Variants in COL9A1 observed in about 807,000 individuals in gnomAD.
The protein encoded by COL9A1 is collagen type IX alpha 1 chain, also known as collagen alpha-1(IX) chain.
Under a neutral mutation model 142.6 loss-of-function variants are expected in COL9A1, and 104 were observed. The observed-to-expected ratio is 0.73, with a 90% CI of 0.62 to 0.86. The LOEUF (loss-of-function observed/expected upper bound fraction) is 0.86, where lower values mean the gene tolerates loss of function less well. COL9A1 is among the 40% of genes least tolerant of loss of function. The probability of loss-of-function intolerance (pLI) is 0.00; values close to 1 mark genes in which losing one functional copy is unlikely to be tolerated. For synonymous variants in COL9A1, 466 were observed against 396.0 expected, an observed-to-expected ratio of 1.18 and a Z score of -2.10; for missense variants, 1,210 against 1,176.6, an observed-to-expected ratio of 1.03 and a Z score of -0.42.
chr6:70,280,568 T>C lies in COL9A1; in HGVS notation c.975+244A>G, dbSNP rs1176596023. On this transcript the variant is annotated intron_variant, in intron 10 of 37. Coordinates refer to ENST00000357250, the MANE Select transcript of COL9A1 (RefSeq NM_001851.6). ...TTAGAGACAGGAAGCCAGTACCCGCTGCTGTTTTCTAGGAGGAGGAAATGC... is the reference window on the plus strand; with the variant it reads ...TTAGAGACAGGAAGCCAGTACCCGCCGCTGTTTTCTAGGAGGAGGAAATGC... 2.2e-6 allele frequency: 3 copies of C among 1,394,198 alleles called. No homozygotes were observed. The African/African-American group carries it at 4.4e-5, about 20-fold the overall frequency. 86.4% of individuals were successfully genotyped at this position (1,394,198 alleles called of 1,614,324 possible).
chr6:70,241,560 T>A, intron 30 of COL9A1, 106 bp from the exon 31 acceptor site: 1 of 930,532 alleles, frequency 1.1e-6, no homozygotes, highest in Non-Finnish European at 1.7e-6. Context: ...GATAATGTGA[T>A]GGGAGAGGAC....
chr6:70,216,955 G>T lies in COL9A1; in HGVS notation c.2708C>A (p.Pro903Gln), dbSNP rs1768546500. 1 of 1,614,144 alleles carries T rather than the reference G, an allele frequency of 6.2e-7. No homozygotes were observed. Among genetic ancestry groups the T allele is most frequent in the Admixed American group, 1.7e-5 (1 of 60,030 alleles). ...ACCAGCCTGCATGGTGCAGGAGGCT[G>T]GCTCACAGAAACCGGGAAGCCCAGG... ...GPPGLPGFCEPASCTMQAGQR... is the reference protein window; with the variant it reads ...GPPGLPGFCEQASCTMQAGQR... The change falls in exon 38 of 38, where the codon CCA becomes CAA. Residue 903 changes from proline (P) to glutamine (Q), a missense_variant. Transcript: ENST00000357250.
rs1274747512 is a variant in COL9A1, at chr6:70,227,065, G to A, written c.2504-1056C>T. On this transcript the variant is annotated intron_variant, in intron 36 of 37. Coordinates refer to ENST00000357250, the MANE Select transcript of COL9A1 (RefSeq NM_001851.6). ...TATAATGAAGGTGGTGTCTTAAAGT[G>A]GGAAAAAGTTGAACAATTCAGTAAA... is the stretch of plus-strand genomic sequence containing the variant. Among the ~76,000 whole-genome samples, 3 of 152,112 alleles carry A rather than the reference G, an allele frequency of 2.0e-5. No individual in the cohort carries two copies. The East Asian group carries it at 5.8e-4, about 29-fold the overall frequency.
chr6:70,269,990 T>C (rs1772285807), intron 15 of COL9A1, among the ~76,000 whole-genome samples: 1 of 152,240 alleles, frequency 6.6e-6, no homozygotes, highest in Non-Finnish European at 1.5e-5. Context: ...TTTCTTACTA[T>C]GAAAACCTTT....
intron 5 of COL9A1, among the ~76,000 whole-genome samples, chr6:70,293,433 A>T (rs1773725713): frequency 6.6e-6 from 1 of 152,102 alleles, no homozygotes; most frequent in African/African-American, 2.4e-5. Context: ...ATATCTGGGG[A>T]TCTCTGCAGT....
In COL9A1 at chr6:70,239,385, A is replaced by C. The variant is rs907992635; in HGVS notation, c.2080-99T>G. The C allele has an allele frequency of 1.5e-5, 13 of 851,784 alleles. No individual in the cohort carries two copies. In the African/African-American group the frequency reaches 1.9e-4, roughly 12 times the overall value. 52.8% of individuals were successfully genotyped at this position (851,784 alleles called of 1,614,324 possible). A position where few individuals can be genotyped will look rare whatever the true frequency, so the allele number is the denominator to read the frequency against. On this transcript the variant is annotated intron_variant, in intron 32 of 37. Transcript: ENST00000357250. ...TTATTGTGCTACTAAAATACGGAAA[A>C]CCATGAACAGATTAACTCCGGCACT...
chr6:70,254,669 A>G, intron 24 of COL9A1, 140 bp from the exon 25 acceptor site: 1 of 592,194 alleles, frequency 1.7e-6, no homozygotes. Flanking sequence ...AAGTGACTTA[A>G]TTTAGGGTGG....
chr6:70,258,074 CT>C (rs1771436441), intron 20 of COL9A1, among the ~76,000 whole-genome samples: 5 of 152,308 alleles, frequency 3.3e-5, no homozygotes, highest in Admixed American at 2.0e-4. Context: ...GAAATAATCT[CT>C]GATGTGGCTA....
chr6:70,233,626 T>C (rs1769698477), intron 35 of COL9A1, among the ~76,000 whole-genome samples: 1 of 152,234 alleles, frequency 6.6e-6, no homozygotes, highest in South Asian at 2.1e-4. Context: ...AATTTGCTTA[T>C]ATAAGTAAGA....
intron 1 of COL9A1, among the ~76,000 whole-genome samples, 184 bp downstream of exon 1, chr6:70,302,727 T>C (rs1055794584): frequency 1.3e-4 from 20 of 152,126 alleles, no homozygotes; most frequent in African/African-American, 4.6e-4. Flanking sequence ...CTTCGGTTTT[T>C]TGTGTCTGTC....
At chr6:70,224,130 G>C (rs1769073661) in intron 37 of COL9A1, among the ~76,000 whole-genome samples, 1 of 152,228 alleles carries the variant, frequency 6.6e-6, no homozygotes, top group Admixed American at 6.5e-5. Context: ...TTAAATCCAA[G>C]ATCAGCTAAA....
chr6:70,216,849 C>T lies in COL9A1; in HGVS notation c.*48G>A, dbSNP rs373931410. On this transcript the variant is annotated 3_prime_UTR_variant, in exon 38 of 38. Coordinates refer to ENST00000357250, the MANE Select transcript of COL9A1 (RefSeq NM_001851.6). ...TTGGATGGTGTTTCTCACCCAGGCT[C>T]CTTCACCAGGCGTGGTTCATGCAGA... 2.9e-5 allele frequency: 47 copies of T among 1,602,844 alleles called. No individual in the cohort carries two copies. Among genetic ancestry groups the T allele is most frequent in the Non-Finnish European group, 3.8e-5 (45 of 1,171,418 alleles).
chr6:70,224,226 G>C (rs1332622826), intron 37 of COL9A1, among the ~76,000 whole-genome samples: 2 of 152,138 alleles, frequency 1.3e-5, no homozygotes, highest in African/African-American at 2.4e-5. Flanking sequence ...CACGTGGATG[G>C]TCTGATGTTC....
intron 13 of COL9A1, 92 bp from the exon 14 acceptor site, chr6:70,271,800 A>G (rs756510698): frequency 4.7e-6 from 6 of 1,282,484 alleles, no homozygotes; most frequent in Non-Finnish European, 6.7e-6. Flanking sequence ...TTAGATTTAC[A>G]TTTCTGTATT....
intron 17 of COL9A1, among the ~76,000 whole-genome samples, chr6:70,267,734 G>A (rs533859460): frequency 7.4e-4 from 112 of 152,340 alleles, no homozygotes; most frequent in African/African-American, 2.6e-3. Context: ...TCCTAAGCAC[G>A]TGTGTGCTTT....
At chr6:70,271,207 A>G (rs934797082) in intron 14 of COL9A1, among the ~76,000 whole-genome samples, 2 of 152,220 alleles carry the variant, frequency 1.3e-5, no homozygotes, top group African/African-American at 4.8e-5. Context: ...AATATGAAGC[A>G]TTTTATATGA....
chr6:70,255,095 T>C (rs914867231), intron 23 of COL9A1, 55 bp downstream of exon 23: 11 of 1,613,212 alleles, frequency 6.8e-6, no homozygotes, highest in Admixed American at 1.7e-5. Context: ...TAAAGTTTCA[T>C]TGCAAGTCAA....
At chr6:70,292,349 C>T (rs1006235116) in intron 5 of COL9A1, among the ~76,000 whole-genome samples, 1 of 152,166 alleles carries the variant, frequency 6.6e-6, no homozygotes, top group Non-Finnish European at 1.5e-5. Context: ...ATATTTTTCA[C>T]ATTGGCTATG....
rs1772205183 is a variant in COL9A1 at position 70,268,820 on chromosome 6, CCTGG to C, written c.1267_1270del (p.Pro423AlafsTer5). 2 of 1,613,706 alleles carry C rather than the reference CCTGG, an allele frequency of 1.2e-6. No individual in the cohort carries two copies. The highest frequency in any genetic ancestry group is 1.7e-6 in the Non-Finnish European group (2 of 1,179,836). ...TTCTCTTACCCTCATGCCTGGTAGG[CCTGG>C]ATATCCTGAGCGACCTGGTGGACAG... On this transcript the variant is annotated frameshift_variant, in exon 17 of 38. Coordinates refer to ENST00000357250, the MANE Select transcript of COL9A1 (RefSeq NM_001851.6). LOFTEE classifies it high-confidence loss of function.
Sources: gnomAD v4.1 joint callset for allele counts (sites outside exome capture counted in the v4.1 genomes callset) on GRCh38, gnomAD v4.1.1 for gene constraint, MANE v1.5 for transcripts, NCBI Gene and HGNC (gene_info 2026-07-23, HGNC 2026-07-21) for gene names.